The following POLR1A variants were observed in gnomAD, a reference collection of about 807,000 sequenced individuals.
POLR1A encodes the protein DNA-directed RNA polymerase I subunit RPA1.
Under a neutral mutation model 205.3 loss-of-function variants are expected in POLR1A, and 84 were observed. The observed-to-expected ratio is 0.41, with a 90% CI of 0.34 to 0.49. The LOEUF is 0.49. Ranked by LOEUF, POLR1A falls within the 20% of genes least tolerant of loss-of-function variation. The probability of loss-of-function intolerance (pLI) is 0.22; values close to 1 mark genes in which losing one functional copy is unlikely to be tolerated. For missense variants in POLR1A, 1,645 were observed against 2,204.5 expected, an observed-to-expected ratio of 0.75 and a Z score of 5.08; for synonymous variants, 799 against 863.7, an observed-to-expected ratio of 0.93 and a Z score of 1.31.
In POLR1A at chr2:86,033,864, G is replaced by A. The variant is rs554472208; in HGVS notation, c.4035-77C>T. ...CCTACCCTCATTTGGGGGATAGGAC[G>A]CTGAGGGATTCCCACAGGGGATCAG... On this transcript the variant is annotated intron_variant, in intron 27 of 33. Coordinates refer to ENST00000263857, the MANE Select transcript of POLR1A (RefSeq NM_015425.6). The A allele has an allele frequency of 5.8e-5, 89 of 1,540,052 alleles. 1 individual carries two copies. The African/African-American group carries it at 9.5e-4, about 16-fold the overall frequency.
In POLR1A at chr2:86,046,124, T is replaced by C. The variant is rs60329449; in HGVS notation, c.2734-355A>G. ...ACAGCCATTTATTGCGATCCTCACATTCTAGAGCCAAAAGGGAACTCAGGG... is the reference window on the plus strand; with the variant it reads ...ACAGCCATTTATTGCGATCCTCACACTCTAGAGCCAAAAGGGAACTCAGGG... On this transcript the variant is annotated intron_variant, in intron 19 of 33. Transcript: ENST00000263857. Among the ~76,000 whole-genome samples, 970 of 152,182 alleles carry C rather than the reference T, an allele frequency of 6.4e-3. 25 individuals carry two copies. In the East Asian group the frequency reaches 0.098, roughly 15 times the overall value.
intron 17 of POLR1A, 21 bp downstream of exon 17, chr2:86,049,139 G>A (rs775160979): frequency 1.4e-5 from 23 of 1,610,430 alleles, no homozygotes; most frequent in Non-Finnish European, 1.7e-5. Flanking sequence ...GGCAGGCCAC[G>A]GCCTCGAAGT....
intron 6 of POLR1A, among the ~76,000 whole-genome samples, chr2:86,086,220 G>A (rs1222361643): frequency 2.0e-5 from 3 of 152,044 alleles, no homozygotes; most frequent in Admixed American, 6.6e-5. Context: ...CACCACACCC[G>A]GCTAATTTTT....
At chr2:86,063,457 AC>A (rs1217578656) in intron 14 of POLR1A, among the ~76,000 whole-genome samples, 1 of 151,932 alleles carries the variant, frequency 6.6e-6, no homozygotes, top group Non-Finnish European at 1.5e-5. Flanking sequence ...TGAATACTGT[AC>A]TACACAAACT....
Position 86,065,417 on chromosome 2 carries a change from C to T in POLR1A, c.1915G>A (p.Ala639Thr). The T allele has an allele frequency of 2.5e-6, 4 of 1,614,176 alleles. No homozygotes were observed. The highest frequency in any genetic ancestry group is 3.4e-6 in the Non-Finnish European group (4 of 1,180,016). The change falls in exon 14 of 34, where the codon GCA becomes ACA. Residue 639 changes from alanine to threonine, a missense_variant. This residue lies in a region of POLR1A where 339 missense variants were observed against 415.1 expected (regional missense o/e 0.82). Coordinates refer to ENST00000263857, the MANE Select transcript of POLR1A (RefSeq NM_015425.6). The part of the protein sequence containing the change: ...GLIQDHMVSG[A>T]SMTTRGCFFT... ...AAGCAACCCCGAGTAGTCATGCTTG[C>T]CCCTGAAACCATGTGATCCTGGATC... is the stretch of plus-strand genomic sequence containing the variant.
chr2:86,100,629 G>A (rs1292734147), intron 1 of POLR1A, among the ~76,000 whole-genome samples: 2 of 151,670 alleles, frequency 1.3e-5, no homozygotes, highest in Non-Finnish European at 2.9e-5. Context: ...AAACTCCTGG[G>A]CTCCAGTGAT....
At chr2:86,041,364 TGC>T (rs200808965) in intron 24 of POLR1A, among the ~76,000 whole-genome samples, 2 of 145,940 alleles carry the variant, frequency 1.4e-5, no homozygotes, top group East Asian at 2.0e-4. Context: ...TGTGTGTGTG[TGC>T]GCGCGCGCGC....
chr2:86,051,631 G>A (rs534382064), intron 16 of POLR1A, among the ~76,000 whole-genome samples: 8 of 152,336 alleles, frequency 5.3e-5, no homozygotes, highest in Non-Finnish European at 5.9e-5. Flanking sequence ...CCCCTAACGC[G>A]AACAGCGTGG....
intron 22 of POLR1A, among the ~76,000 whole-genome samples, chr2:86,043,463 C>T (rs547028360): frequency 4.6e-5 from 7 of 152,248 alleles, no homozygotes; most frequent in Admixed American, 4.6e-4. Flanking sequence ...CAGAGCCCCT[C>T]CAGGAGCACA....
rs895262563 is a variant in POLR1A at position 86,028,179 on chromosome 2, C to T, written c.4898-130G>A. On this transcript the variant is annotated intron_variant, in intron 32 of 33. Coordinates refer to ENST00000263857, the MANE Select transcript of POLR1A (RefSeq NM_015425.6). The surrounding 1 kb of genome is among the most constrained non-coding windows in gnomAD (Gnocchi z 4.5). ...AGACTCTGGGGCTCCCCTTCAGCTC[C>T]GCCACCTGCTCACGCTACTTAACCC... 25 of 832,294 alleles carry T rather than the reference C, an allele frequency of 3.0e-5. No homozygotes were observed. Among genetic ancestry groups the T allele is most frequent in the African/African-American group, 1.0e-4 (6 of 59,944 alleles). The allele number at this position is 832,294 out of a possible 1,614,324, so 51.6% of individuals were successfully genotyped here. A position where few individuals can be genotyped will look rare whatever the true frequency, so the allele number is the denominator to read the frequency against.
Position 86,047,171 on chromosome 2 carries a change from C to T in POLR1A, c.2727G>A (p.Thr909=), listed in dbSNP as rs367642168. ...AACCCGCCTCTGCACATACCTGCAT[C>T]GTGTTCACAGTTGAACCTTTGGCTC... The part of the protein sequence containing the change: ...QSGAKGSTVN[T]MQISCLLGQI... Residue 909 remains threonine (T), a synonymous_variant, in exon 19 of 34, where the codon ACG becomes ACA. Coordinates refer to ENST00000263857, the MANE Select transcript of POLR1A (RefSeq NM_015425.6). 31 of 1,613,046 alleles carry T rather than the reference C, an allele frequency of 1.9e-5. No homozygotes were observed. Among genetic ancestry groups the T allele is most frequent in the East Asian group, 8.9e-5 (4 of 44,892 alleles).
intron 31 of POLR1A, among the ~76,000 whole-genome samples, chr2:86,029,083 C>T (rs1672328214): frequency 6.6e-6 from 1 of 152,254 alleles, no homozygotes; most frequent in Admixed American, 6.5e-5. Flanking sequence ...ACATTACACA[C>T]CCCTCCAGGG....
At position 86,030,326 on chromosome 2, in the gene POLR1A, C is replaced by A; in HGVS notation, c.4649G>T (p.Gly1550Val). 6.2e-7 allele frequency: 1 copy of A among 1,614,084 alleles called. No individual in the cohort carries two copies. Among genetic ancestry groups the A allele is most frequent in the Non-Finnish European group, 8.5e-7 (1 of 1,179,962 alleles). ...MSSLVVSLAH[G>V]AVIYATKGIT... is the part of the protein sequence containing the mutation. ...GCCCTTGGTCGCATAGATGACGGCA[C>A]CATGGGCCAAAGATACTACCAGGGA... Residue 1550 changes from glycine to valine, a missense_variant, in exon 31 of 34, where the codon GGT becomes GTT. Gly to Val is a moderately radical substitution (Grantham distance 109, BLOSUM62 -3). Coordinates refer to ENST00000263857, the MANE Select transcript of POLR1A (RefSeq NM_015425.6).
intron 6 of POLR1A, among the ~76,000 whole-genome samples, chr2:86,085,357 T>A (rs1316827820): frequency 1.3e-5 from 2 of 152,198 alleles, no homozygotes; most frequent in African/African-American, 4.8e-5. Context: ...GGAGTCTGCA[T>A]GTTTAAAGTT....
chr2:86,081,785 A>G (rs1673406929), intron 7 of POLR1A, 79 bp from the exon 8 acceptor site: 2 of 808,294 alleles, frequency 2.5e-6, no homozygotes, highest in Non-Finnish European at 4.1e-6. Flanking sequence ...TAAAAATATT[A>G]CTGAGTGAGG....
intron 3 of POLR1A, among the ~76,000 whole-genome samples, chr2:86,092,015 C>T (rs1256945472): frequency 1.3e-5 from 2 of 152,058 alleles, no homozygotes; most frequent in Non-Finnish European, 2.9e-5. Flanking sequence ...CTCAAGGAGG[C>T]CGAGGCAGGA....
At chr2:86,048,512 C>G (rs959561628) in intron 18 of POLR1A, among the ~76,000 whole-genome samples, 1 of 152,218 alleles carries the variant, frequency 6.6e-6, no homozygotes, top group Non-Finnish European at 1.5e-5. Context: ...GGAACCTGAG[C>G]CTTCACTCCT....
chr2:86,079,508 C>G (rs959150272), intron 9 of POLR1A, among the ~76,000 whole-genome samples: 6 of 152,080 alleles, frequency 3.9e-5, no homozygotes, highest in African/African-American at 1.4e-4. Flanking sequence ...TCAGAGGATG[C>G]TATTTGCCCC....
chr2:86,034,006 A>G (rs893439749), intron 27 of POLR1A, among the ~76,000 whole-genome samples: 1 of 152,200 alleles, frequency 6.6e-6, no homozygotes, highest in Non-Finnish European at 1.5e-5. Flanking sequence ...CCTGGTCTCA[A>G]TAGGTGCACT....
Sources: allele counts gnomAD v4.1 joint callset (sites outside exome capture counted in the v4.1 genomes callset), GRCh38; gene constraint gnomAD v4.1.1; regional missense constraint gnomAD v4.1.1; non-coding constraint Gnocchi (gnomAD v3.1); transcripts MANE v1.5; gene names NCBI Gene and HGNC (gene_info 2026-07-23, HGNC 2026-07-21).